OPHN1: variants seen among roughly 807,000 people sequenced by gnomAD.
The protein encoded by OPHN1 is oligophrenin 1, also known as oligophrenin-1.
Under a neutral mutation model 60.7 loss-of-function variants are expected in OPHN1, and 11 were observed. That is an observed-to-expected ratio of 0.18 (90% CI 0.11 to 0.30). OPHN1 has a LOEUF of 0.30. Among genes scored for constraint, OPHN1 ranks in the 10% least tolerant of loss-of-function variants. The probability of loss-of-function intolerance (pLI) is 1.00; values close to 1 mark genes in which losing one functional copy is unlikely to be tolerated. For missense variants in OPHN1, 449 were observed against 611.0 expected, an observed-to-expected ratio of 0.73 and a Z score of 2.80; for synonymous variants, 226 against 222.6, an observed-to-expected ratio of 1.02 and a Z score of -0.14.
intron 5 of OPHN1, among the ~76,000 whole-genome samples, chrX:68,261,482 G>C (rs909956208): frequency 9.0e-6 from 1 of 110,970 alleles, no homozygotes; most frequent in African/African-American, 3.3e-5. Context: ...GAAGTCGGTG[G>C]GGGGAGGCGG....
At position 68,053,662 on chromosome X, in the gene OPHN1, C is replaced by T. The variant is rs748176965; in HGVS notation, c.2307G>A (p.Gly769=). Residue 769 remains glycine, a synonymous_variant, in exon 22 of 25, where the codon GGG becomes GGA. Transcript: ENST00000355520. Reference sequence around the variant, plus strand: ...CTACTTACACAGATGATGTGATTTCCCCCGCATTGCCAGCCACAATATCTG... The same window carrying T: ...CTACTTACACAGATGATGTGATTTCTCCCGCATTGCCAGCCACAATATCTG... ...PKPDIVAGNA[G]EITSSVVASR... 2.0e-4 allele frequency: 236 copies of T among 1,209,447 alleles called. 2 individuals carry two copies. In the South Asian group the frequency reaches 4.0e-3, roughly 20 times the overall value.
intron 2 of OPHN1, among the ~76,000 whole-genome samples, chrX:68,393,259 A>AAAAAC (rs1386574777): frequency 1.4e-4 from 16 of 112,438 alleles, no homozygotes; most frequent in African/African-American, 5.2e-4. Flanking sequence ...TGCCTCTTTA[A>AAAAAC]AAAACAAAAC....
chrX:68,160,473 A>C (rs1476172482), intron 15 of OPHN1, among the ~76,000 whole-genome samples: 1 of 111,589 alleles, frequency 9.0e-6, no homozygotes, highest in Non-Finnish European at 1.9e-5. Context: ...AAAAAAGCAG[A>C]ACACACATTC....
Position 68,359,594 on chromosome X carries a change from A to C in OPHN1, c.155-60498T>G, listed in dbSNP as rs556066961. 5.2e-3 allele frequency among the ~76,000 whole-genome samples: 577 copies of C among 110,795 alleles called. 6 individuals carry two copies. The highest frequency in any genetic ancestry group is 0.018 in the African/African-American group (550 of 30,518). ...AGTACAGGCCGGGTGCAGTGACTCA[A>C]GCCTGTAATCCCAGCACTTTGGGAG... On this transcript the variant is annotated intron_variant, in intron 2 of 24. Coordinates refer to ENST00000355520, the MANE Select transcript of OPHN1 (RefSeq NM_002547.3).
intron 6 of OPHN1, among the ~76,000 whole-genome samples, chrX:68,229,816 G>A (rs1826686753): frequency 8.9e-6 from 1 of 112,130 alleles, no homozygotes; most frequent in South Asian, 3.7e-4. Flanking sequence ...AACCCTAGAA[G>A]AAAACCTAGG....
At chrX:68,302,521 A>G (rs866777989) in intron 2 of OPHN1, among the ~76,000 whole-genome samples, 65 of 109,553 alleles carry the variant, frequency 5.9e-4, no homozygotes, top group African/African-American at 1.9e-3. Flanking sequence ...CCCGAGAGGC[A>G]GAGATTTCAG....
At chrX:68,294,006 T>C (rs1213523725) in intron 3 of OPHN1, among the ~76,000 whole-genome samples, 1 of 111,539 alleles carries the variant, frequency 9.0e-6, no homozygotes, top group Non-Finnish European at 1.9e-5. Flanking sequence ...CCATAGTCCT[T>C]ATCACATTGT....
At chrX:68,351,313 A>G (rs935064739) in intron 2 of OPHN1, among the ~76,000 whole-genome samples, 2 of 111,387 alleles carry the variant, frequency 1.8e-5, no homozygotes, top group Admixed American at 1.9e-4. Flanking sequence ...AAAGCAAAGA[A>G]GTCAGTAACA....
intron 5 of OPHN1, among the ~76,000 whole-genome samples, chrX:68,242,422 A>C (rs2061862446): frequency 9.0e-6 from 1 of 111,089 alleles, no homozygotes; most frequent in South Asian, 3.8e-4. Context: ...GTGGAAAATA[A>C]GTGTTCTTGA....
intron 16 of OPHN1, among the ~76,000 whole-genome samples, chrX:68,115,652 T>C (rs1026625122): frequency 4.5e-5 from 5 of 111,890 alleles, no homozygotes; most frequent in African/African-American, 6.5e-5. Flanking sequence ...AGCAGCTTCA[T>C]TGGAGCAGAG....
chrX:68,119,734 C>A (rs2077142514), intron 15 of OPHN1, among the ~76,000 whole-genome samples: 2 of 111,191 alleles, frequency 1.8e-5, no homozygotes, highest in South Asian at 7.8e-4. Context: ...CTGTAATTTA[C>A]AAATTGCTGG....
chrX:68,367,540 A>AT (rs1369966528), intron 2 of OPHN1, among the ~76,000 whole-genome samples: 1 of 110,991 alleles, frequency 9.0e-6, no homozygotes, highest in Non-Finnish European at 1.9e-5. Flanking sequence ...GCACAGTGGC[A>AT]TTTTTTGTTT....
At chrX:68,262,493 C>A (rs1239058721) in intron 5 of OPHN1, among the ~76,000 whole-genome samples, 3 of 111,719 alleles carry the variant, frequency 2.7e-5, no homozygotes, top group African/African-American at 9.7e-5. Context: ...AGAAAAAAAA[C>A]AAATGTCCAG....
intron 12 of OPHN1, among the ~76,000 whole-genome samples, 176 bp downstream of exon 12, chrX:68,197,010 T>G (rs1476763360): frequency 9.0e-6 from 1 of 111,384 alleles, no homozygotes; most frequent in Admixed American, 9.6e-5. Flanking sequence ...CCCTCAACCT[T>G]TCTGGAACTC....
intron 2 of OPHN1, among the ~76,000 whole-genome samples, chrX:68,357,341 T>C (rs1181009406): frequency 1.7e-4 from 19 of 111,438 alleles, no homozygotes; most frequent in Non-Finnish European, 1.9e-5. Flanking sequence ...CATGTTGGTG[T>C]GCTGCACCCA....
chrX:68,348,797 C>A (rs1413024925), intron 2 of OPHN1, among the ~76,000 whole-genome samples: 1 of 111,542 alleles, frequency 9.0e-6, no homozygotes, highest in Non-Finnish European at 1.9e-5. Context: ...TTGGCTATGA[C>A]TTCAAGGATA....
chrX:68,264,165 C>A (rs749703485), intron 5 of OPHN1, among the ~76,000 whole-genome samples: 2 of 111,174 alleles, frequency 1.8e-5, no homozygotes, highest in Non-Finnish European at 1.9e-5. Flanking sequence ...AGAAGAAAAC[C>A]TAGGCAATAC....
intron 5 of OPHN1, among the ~76,000 whole-genome samples, chrX:68,245,120 T>G (rs1286092252): frequency 2.7e-5 from 3 of 111,289 alleles, no homozygotes; most frequent in Non-Finnish European, 1.9e-5. Flanking sequence ...ACCATATATT[T>G]TATAAGGAAA....
At chrX:68,092,121 G>T (rs7473632) in intron 19 of OPHN1, among the ~76,000 whole-genome samples, 1 of 109,877 alleles carries the variant, frequency 9.1e-6, no homozygotes, top group South Asian at 3.9e-4. Flanking sequence ...GAGTAACAAA[G>T]AAAACTTAAA....
Sources: gnomAD v4.1 joint callset for allele counts (sites outside exome capture counted in the v4.1 genomes callset) on GRCh38, gnomAD v4.1.1 for gene constraint, MANE v1.5 for transcripts, NCBI Gene and HGNC (gene_info 2026-07-23, HGNC 2026-07-21) for gene names.